Variants in TRPM3 observed in about 807,000 individuals in gnomAD.
TRPM3 encodes the protein long transient receptor potential channel 3.
A neutral mutation model predicts 181.2 loss-of-function variants in TRPM3; 77 were observed. The observed-to-expected ratio is 0.42, with a 90% CI of 0.35 to 0.51. The LOEUF is 0.51. Ranked by LOEUF, TRPM3 falls within the 20% of genes least tolerant of loss-of-function variation. The pLI, the probability that TRPM3 is intolerant of heterozygous loss-of-function variation, is 0.01. For missense variants in TRPM3, 1,759 were observed against 2,196.7 expected (o/e 0.80, Z 3.98); for synonymous variants, 745 against 796.4 (o/e 0.94, Z 1.09).
intron 3 of TRPM3, among the ~76,000 whole-genome samples, chr9:70,858,994 G>C (rs2095457499): frequency 6.6e-6 from 1 of 152,106 alleles, no homozygotes; most frequent in Admixed American, 6.6e-5. Context: ...AGCCTTCTCT[G>C]TCTTGGGCTG....
At chr9:71,393,846 CG>C (rs2093123888) in intron 1 of TRPM3, among the ~76,000 whole-genome samples, 1 of 152,142 alleles carries the variant, frequency 6.6e-6, no homozygotes, top group Admixed American at 6.6e-5. Context: ...GACATCTCAA[CG>C]TCACAGTTAA....
intron 1 of TRPM3, among the ~76,000 whole-genome samples, chr9:71,025,751 C>T (rs1420568329): frequency 6.6e-6 from 1 of 152,146 alleles, no homozygotes; most frequent in Non-Finnish European, 1.5e-5. Flanking sequence ...CAGCCTGGGC[C>T]CTGTTCCTAA....
intron 22 of TRPM3, among the ~76,000 whole-genome samples, chr9:70,576,098 C>T (rs896874805): frequency 2.0e-5 from 3 of 152,268 alleles, no homozygotes; most frequent in Non-Finnish European, 4.4e-5. Flanking sequence ...TTTTGACATA[C>T]TTGTAGAGAC....
At chr9:71,426,426 A>G (rs1408445678) in intron 1 of TRPM3, among the ~76,000 whole-genome samples, 2 of 151,966 alleles carry the variant, frequency 1.3e-5, no homozygotes, top group African/African-American at 4.8e-5. Context: ...TCCAAACTGT[A>G]CTTATCAAGA....
At chr9:70,898,022 C>T (rs1471508686) in intron 1 of TRPM3, among the ~76,000 whole-genome samples, 1 of 152,100 alleles carries the variant, frequency 6.6e-6, no homozygotes, top group Admixed American at 6.5e-5. Flanking sequence ...GAATAACATC[C>T]CCGACCAGTG....
intron 1 of TRPM3, among the ~76,000 whole-genome samples, chr9:71,169,648 T>C (rs972430685): frequency 6.6e-6 from 1 of 151,896 alleles, no homozygotes; most frequent in African/African-American, 2.4e-5. Context: ...GAAAAATATA[T>C]ACTGATATAA....
intron 1 of TRPM3, among the ~76,000 whole-genome samples, chr9:71,037,682 GA>G (rs1283902189): frequency 1.3e-5 from 2 of 152,232 alleles, no homozygotes; most frequent in Non-Finnish European, 2.9e-5. Context: ...ACAGCCTGCA[GA>G]ACATCGGCAT....
intron 20 of TRPM3, among the ~76,000 whole-genome samples, chr9:70,602,370 A>C (rs913474199): frequency 3.9e-5 from 6 of 152,174 alleles, no homozygotes; most frequent in Non-Finnish European, 8.8e-5. Context: ...TGAAGGCAAG[A>C]ATGAAGTTGT....
chr9:70,751,999 A>AGTGTGTGT (rs71507124), intron 8 of TRPM3, among the ~76,000 whole-genome samples: 77 of 104,524 alleles, frequency 7.4e-4, no homozygotes, highest in East Asian at 8.1e-4. Context: ...ACATCTCAAC[A>AGTGTGTGT]GTGTGTGTGT....
At chr9:71,090,128 G>A (rs2065950271) in intron 1 of TRPM3, among the ~76,000 whole-genome samples, 1 of 152,124 alleles carries the variant, frequency 6.6e-6, no homozygotes, top group South Asian at 2.1e-4. Flanking sequence ...CTGTGGCACA[G>A]TAGAGTCTTA....
At chr9:70,576,099 T>G (rs1330647835) in intron 22 of TRPM3, among the ~76,000 whole-genome samples, 1 of 152,204 alleles carries the variant, frequency 6.6e-6, no homozygotes, top group African/African-American at 2.4e-5. Context: ...TTTGACATAC[T>G]TGTAGAGACA....
intron 1 of TRPM3, among the ~76,000 whole-genome samples, chr9:70,869,739 C>T (rs549021792): frequency 1.9e-4 from 29 of 151,978 alleles, no homozygotes; most frequent in Non-Finnish European, 3.8e-4. Flanking sequence ...TACAGTCCTG[C>T]TTCCTTATTA....
At chr9:71,042,997 G>A (rs1382606771) in intron 1 of TRPM3, among the ~76,000 whole-genome samples, 4 of 152,140 alleles carry the variant, frequency 2.6e-5, no homozygotes, top group Non-Finnish European at 5.9e-5. Context: ...TGTTTCTTGC[G>A]ATTACACATG....
At chr9:71,211,366 T>TG (rs2079493343) in intron 1 of TRPM3, among the ~76,000 whole-genome samples, 1 of 151,822 alleles carries the variant, frequency 6.6e-6, no homozygotes, top group Non-Finnish European at 1.5e-5. Context: ...ATTGTGTTTT[T>TG]TTTTTTTTAA....
chr9:70,698,463 G>A (rs1458527046), intron 8 of TRPM3, among the ~76,000 whole-genome samples: 1 of 152,170 alleles, frequency 6.6e-6, no homozygotes, highest in Admixed American at 6.6e-5. Flanking sequence ...AAAGTTAAGT[G>A]AGATAATGTA....
At chr9:71,252,208 A>G (rs1439969077) in intron 1 of TRPM3, among the ~76,000 whole-genome samples, 1 of 151,930 alleles carries the variant, frequency 6.6e-6, no homozygotes, top group East Asian at 1.9e-4. Flanking sequence ...AAACCAATTT[A>G]ACTTTTTTTT....
At chr9:70,657,198 TAAAA>T (rs3073513) in intron 9 of TRPM3, among the ~76,000 whole-genome samples, 2,244 of 117,658 alleles carry the variant, frequency 0.019, 60 homozygotes, top group African/African-American at 0.061. Context: ...GGGCTTGAGG[TAAAA>T]AAAAAAAAAA....
At chr9:71,198,795 A>G (rs79645705) in intron 1 of TRPM3, among the ~76,000 whole-genome samples, 46,009 of 129,120 alleles carry the variant, frequency 0.36, 6,920 homozygotes, top group East Asian at 0.45. Flanking sequence ...GGTTTTCTAG[A>G]TATACAATCA....
intron 1 of TRPM3, among the ~76,000 whole-genome samples, chr9:71,151,917 C>T (rs1565280271): frequency 6.6e-6 from 1 of 152,080 alleles, no homozygotes; most frequent in Non-Finnish European, 1.5e-5. Flanking sequence ...GAGTTTTTTA[C>T]TTCAACTATC....
Sources: allele counts gnomAD v4.1 joint callset (sites outside exome capture counted in the v4.1 genomes callset), GRCh38; gene constraint gnomAD v4.1.1; transcripts MANE v1.5; gene names NCBI Gene and HGNC (gene_info 2026-07-23, HGNC 2026-07-21).